The following GPC6 variants were observed in gnomAD, a reference collection of about 807,000 sequenced individuals.
GPC6 encodes glypican 6.
In GPC6, 14 loss-of-function variants were observed where a neutral mutation model predicts 55.2. The ratio of observed to expected loss-of-function variants is 0.25; its 90% CI spans 0.17 to 0.40. GPC6 has a LOEUF of 0.40. Ranked by LOEUF, GPC6 falls within the 10% of genes least tolerant of loss-of-function variation. The pLI is 1.00. For missense variants in GPC6, 641 were observed against 708.5 expected, an observed-to-expected ratio of 0.90 and a Z score of 1.08; for synonymous variants, 278 against 259.6, an observed-to-expected ratio of 1.07 and a Z score of -0.68.
At chr13:93,657,113 A>G (rs1880707867) in intron 2 of GPC6, among the ~76,000 whole-genome samples, 1 of 152,142 alleles carries the variant, frequency 6.6e-6, no homozygotes, top group East Asian at 1.9e-4. Flanking sequence ...TAAAATTCAT[A>G]CAGAATCAGA....
chr13:93,488,112 C>A (rs539713703), intron 1 of GPC6, among the ~76,000 whole-genome samples: 2 of 152,258 alleles, frequency 1.3e-5, no homozygotes, highest in African/African-American at 4.8e-5. Context: ...AATGCTATCC[C>A]TCCCCCCTCC....
At chr13:94,180,164 G>C (rs1255716515) in intron 4 of GPC6, among the ~76,000 whole-genome samples, 1 of 152,138 alleles carries the variant, frequency 6.6e-6, no homozygotes, top group Non-Finnish European at 1.5e-5. Context: ...ATTGAAAAGA[G>C]TATTATTAGA....
intron 2 of GPC6, among the ~76,000 whole-genome samples, chr13:93,685,935 T>C (rs995368668): frequency 2.0e-5 from 3 of 152,194 alleles, no homozygotes; most frequent in African/African-American, 7.2e-5. Context: ...ATTAACTTAG[T>C]TGACAGAGCC....
At chr13:93,434,449 G>A (rs891116096) in intron 1 of GPC6, among the ~76,000 whole-genome samples, 26 of 152,168 alleles carry the variant, frequency 1.7e-4, no homozygotes, top group African/African-American at 6.3e-4. Flanking sequence ...TGGGGACAGT[G>A]AGGAATAGGC....
At chr13:93,478,656 A>C (rs949382557) in intron 1 of GPC6, among the ~76,000 whole-genome samples, 2 of 152,112 alleles carry the variant, frequency 1.3e-5, no homozygotes, top group African/African-American at 4.8e-5. Context: ...TGGCACTGGG[A>C]GCAATGTGAT....
At chr13:94,240,118 G>C (rs1193726620) in intron 4 of GPC6, among the ~76,000 whole-genome samples, 1 of 151,992 alleles carries the variant, frequency 6.6e-6, no homozygotes, top group Admixed American at 6.6e-5. Context: ...TGGACCCTCT[G>C]GGATCATGAA....
intron 6 of GPC6, among the ~76,000 whole-genome samples, chr13:94,328,179 G>A (rs143207277): frequency 0.011 from 1,651 of 152,252 alleles, 21 homozygotes; most frequent in Middle Eastern, 0.088. Context: ...CCAACCCAGG[G>A]CCACACTAAG....
intron 6 of GPC6, among the ~76,000 whole-genome samples, chr13:94,314,140 AGT>A (rs1876399714): frequency 6.6e-6 from 1 of 152,244 alleles, no homozygotes; most frequent in Non-Finnish European, 1.5e-5. Context: ...TTTCCAAGTC[AGT>A]TAGACATGCT....
intron 3 of GPC6, among the ~76,000 whole-genome samples, chr13:93,950,058 G>T (rs752081693): frequency 6.6e-6 from 1 of 152,160 alleles, no homozygotes; most frequent in Non-Finnish European, 1.5e-5. Context: ...CTGTCTGGAT[G>T]ATGAAATTTG....
At chr13:93,782,639 G>A (rs1026746091) in intron 2 of GPC6, among the ~76,000 whole-genome samples, 3 of 152,004 alleles carry the variant, frequency 2.0e-5, no homozygotes, top group Admixed American at 6.6e-5. Context: ...AGTATGAAGC[G>A]ATATCTCATG....
At chr13:93,471,268 A>G (rs9561355) in intron 1 of GPC6, among the ~76,000 whole-genome samples, 6,086 of 151,622 alleles carry the variant, frequency 0.04, 425 homozygotes, top group East Asian at 0.28. Flanking sequence ...TAATCCCAGC[A>G]CTTTGGGAGG....
intron 2 of GPC6, among the ~76,000 whole-genome samples, chr13:93,780,190 A>G (rs1262371120): frequency 1.3e-5 from 2 of 152,168 alleles, no homozygotes; most frequent in Non-Finnish European, 2.9e-5. Context: ...TTTTTTCCGC[A>G]AACTGTGAAG....
intron 1 of GPC6, among the ~76,000 whole-genome samples, chr13:93,508,417 G>T (rs1880817248): frequency 6.6e-6 from 1 of 152,156 alleles, no homozygotes; most frequent in South Asian, 2.1e-4. Flanking sequence ...TTTAAGCAAG[G>T]TGAGGCTGGT....
chr13:93,384,058 A>T (rs559028504), intron 1 of GPC6, among the ~76,000 whole-genome samples: 19 of 152,294 alleles, frequency 1.2e-4, no homozygotes, highest in African/African-American at 4.6e-4. Flanking sequence ...CAGTTATTTT[A>T]TGATATTTCT....
chr13:93,645,021 A>T (rs1163502150), intron 2 of GPC6, among the ~76,000 whole-genome samples: 1 of 152,070 alleles, frequency 6.6e-6, no homozygotes, highest in Non-Finnish European at 1.5e-5. Flanking sequence ...TTACAGTAGG[A>T]CTGAAGGGAA....
intron 1 of GPC6, among the ~76,000 whole-genome samples, chr13:93,408,531 G>A (rs2139241525): frequency 6.6e-6 from 1 of 152,306 alleles, no homozygotes; most frequent in South Asian, 2.1e-4. Flanking sequence ...TGAAAGCAGT[G>A]CAAAACTGAT....
intron 2 of GPC6, among the ~76,000 whole-genome samples, chr13:93,763,775 G>A (rs565115080): frequency 1.3e-5 from 2 of 151,916 alleles, no homozygotes; most frequent in South Asian, 2.1e-4. Flanking sequence ...CTGACCCTAC[G>A]CTTTCTCCCC....
chr13:94,233,715 T>G (rs1297227660), intron 4 of GPC6, among the ~76,000 whole-genome samples: 2 of 152,224 alleles, frequency 1.3e-5, no homozygotes, highest in African/African-American at 4.8e-5. Context: ...AACCCTTATA[T>G]TTCTTAATAA....
chr13:94,108,030 C>T (rs1398649524), intron 4 of GPC6, among the ~76,000 whole-genome samples: 1 of 152,120 alleles, frequency 6.6e-6, no homozygotes, highest in Non-Finnish European at 1.5e-5. Context: ...AGCAATCTCA[C>T]TTCTGGGTAT....
Sources: gnomAD v4.1 joint callset for allele counts (sites outside exome capture counted in the v4.1 genomes callset) on GRCh38, gnomAD v4.1.1 for gene constraint, MANE v1.5 for transcripts, NCBI Gene and HGNC (gene_info 2026-07-23, HGNC 2026-07-21) for gene names.